Variants in MECR observed in about 807,000 individuals in gnomAD.
MECR encodes the protein mitochondrial trans-2-enoyl-CoA reductase, also known as enoyl-[acyl-carrier-protein] reductase, mitochondrial.
A neutral mutation model predicts 49.1 loss-of-function variants in MECR; 37 were observed. The ratio of observed to expected loss-of-function variants is 0.75; its 90% CI spans 0.58 to 0.99. The LOEUF (loss-of-function observed/expected upper bound fraction) is 0.99, where lower values mean the gene tolerates loss of function less well. MECR is among the 50% of genes least tolerant of loss of function. MECR has a pLI of 0.00. For missense variants in MECR, 470 were observed against 479.6 expected (o/e 0.98, Z 0.19); for synonymous variants, 198 against 191.1 (o/e 1.04, Z -0.30).
chr1:29,227,975 C>G (rs767753964), intron 1 of MECR, among the ~76,000 whole-genome samples: 2 of 152,168 alleles, frequency 1.3e-5, no homozygotes, highest in Non-Finnish European at 2.9e-5. Context: ...GCCTGGGCAG[C>G]AGAGTCACCT....
At chr1:29,207,185 G>A (rs1380460823) in intron 3 of MECR, among the ~76,000 whole-genome samples, 2 of 152,044 alleles carry the variant, frequency 1.3e-5, no homozygotes, top group African/African-American at 2.4e-5. Context: ...GCAATGGCGC[G>A]ATCTTGGCTC....
intron 9 of MECR, among the ~76,000 whole-genome samples, chr1:29,194,780 C>T (rs1248518907): frequency 6.6e-6 from 1 of 152,104 alleles, no homozygotes; most frequent in Non-Finnish European, 1.5e-5. Flanking sequence ...TTCATTCAGC[C>T]TTCAAATCTA....
chr1:29,198,576 G>A (rs1674571189), intron 7 of MECR, among the ~76,000 whole-genome samples: 1 of 152,212 alleles, frequency 6.6e-6, no homozygotes, highest in Non-Finnish European at 1.5e-5. Flanking sequence ...CTGCTGCCTA[G>A]ACTTTGGGAC....
At chr1:29,196,289 T>C (rs373711752) in intron 7 of MECR, 31 bp from the exon 8 acceptor site, 85 of 1,590,520 alleles carry the variant, frequency 5.3e-5, no homozygotes, top group Non-Finnish European at 6.7e-5. Flanking sequence ...AAAGAGTGGA[T>C]GCAAGGCAGA....
At chr1:29,178,039 A>G in the MECR span, among the ~76,000 whole-genome samples, 26 of 151,266 alleles carry the variant, frequency 1.7e-4, no homozygotes, top group African/African-American at 5.1e-4. Context: ...AGCTGGGATT[A>G]CAGGTGCCCA....
intron 9 of MECR, among the ~76,000 whole-genome samples, chr1:29,194,578 A>G (rs1268188453): frequency 3.3e-5 from 5 of 152,132 alleles, no homozygotes; most frequent in African/African-American, 1.2e-4. Flanking sequence ...TGGCACGCCA[A>G]GTGATGTGGA....
intron 9 of MECR, 139 bp from the exon 10 acceptor site, chr1:29,194,318 G>C: frequency 3.0e-6 from 3 of 984,002 alleles, no homozygotes; most frequent in Non-Finnish European, 4.4e-6. Flanking sequence ...CAAGGATAGG[G>C]TGGCTGTGGA....
Position 29,206,842 on chromosome 1 carries a change from G to A in MECR, c.470C>T (p.Pro157Leu), listed in dbSNP as rs770619410. The A allele has an allele frequency of 1.2e-6, 2 of 1,614,174 alleles. No homozygotes were observed. The highest frequency in any genetic ancestry group is 1.7e-6 in the Non-Finnish European group (2 of 1,180,030). Residue 157 changes from proline to leucine, a missense_variant, in exon 4 of 10, where the codon CCT (proline) becomes CTT (leucine). Transcript: ENST00000263702. ...EALIQVPSDI[P>L]LQSAATLGVN... ...ACCCAGGGTGGCAGCGCTCTGAAGA[G>A]GGATGTCACTCGGAACTTGGATCAG...
chr1:29,188,063 C>T (rs996571838), downstream of MECR, among the ~76,000 whole-genome samples: 20 of 144,460 alleles, frequency 1.4e-4, no homozygotes, highest in Non-Finnish European at 2.1e-4. Flanking sequence ...AAAAGACGCA[C>T]ACCACCATGC....
At chr1:29,225,208 A>G (rs1681753587) in intron 1 of MECR, among the ~76,000 whole-genome samples, 2 of 152,204 alleles carry the variant, frequency 1.3e-5, no homozygotes, top group Non-Finnish European at 2.9e-5. Flanking sequence ...TGGTTTCAGC[A>G]GACACCTTTC....
chr1:29,167,837 AT>A, the MECR span, among the ~76,000 whole-genome samples: 1 of 152,176 alleles, frequency 6.6e-6, no homozygotes, highest in Non-Finnish European at 1.5e-5. Context: ...TATTTCATCC[AT>A]TTGTATATCA....
At chr1:29,173,085 T>C in the MECR span, 1 of 151,146 alleles carries the variant, frequency 6.6e-6, no homozygotes, top group Non-Finnish European at 1.5e-5. Context: ...AATATCTAAA[T>C]GATCTACAAT....
At chr1:29,188,781 A>G (rs978684088), downstream of MECR, among the ~76,000 whole-genome samples, 50 of 151,992 alleles carry the variant, frequency 3.3e-4, no homozygotes, top group African/African-American at 1.2e-3. Flanking sequence ...CTGGGATTAC[A>G]GGCGCCCGCT....
chr1:29,189,269 A>G (rs1158311965), downstream of MECR, among the ~76,000 whole-genome samples: 3 of 143,846 alleles, frequency 2.1e-5, no homozygotes, highest in African/African-American at 8.8e-5. Flanking sequence ...ACGGGGTTTC[A>G]CCATGTTGGC....
At chr1:29,175,208 T>A in the MECR span, among the ~76,000 whole-genome samples, 1 of 148,844 alleles carries the variant, frequency 6.7e-6, no homozygotes, top group East Asian at 2.0e-4. Context: ...AGGTCAGGAG[T>A]TCAAAACCAG....
At chr1:29,177,467 G>A in the MECR span, among the ~76,000 whole-genome samples, 1 of 152,096 alleles carries the variant, frequency 6.6e-6, no homozygotes, top group African/African-American at 2.4e-5. Flanking sequence ...TTTTAGTAGA[G>A]ACAGGGGTTT....
the MECR span, chr1:29,171,310 G>C: frequency 6.6e-6 from 1 of 150,966 alleles, no homozygotes; most frequent in Non-Finnish European, 1.5e-5. Flanking sequence ...AACAAGCCCG[G>C]AAACCTGAAC....
the MECR span, chr1:29,173,451 T>C: frequency 1.6e-5 from 2 of 125,846 alleles, no homozygotes; most frequent in Non-Finnish European, 3.2e-5. Flanking sequence ...GCCTAAAAAG[T>C]TGTTTTTTTT....
In MECR at chr1:29,203,202, G is replaced by A. The variant is rs142970545; in HGVS notation, c.582C>T (p.Ser194=). ...TCTGGATGACTGCTTGCCCCACTCC[G>A]CTGTTGGATGCATTCTGGATGACAG... The part of the protein sequence containing the change: ...GDSVIQNASN[S]GVGQAVIQIA... The change falls in exon 5 of 10, where the codon AGC becomes AGT. Residue 194 remains serine, a synonymous_variant. Coordinates refer to ENST00000263702, the MANE Select transcript of MECR (RefSeq NM_016011.5). 1.8e-5 allele frequency: 28 copies of A among 1,582,540 alleles called. No homozygotes were observed. The highest frequency in any genetic ancestry group is 9.1e-5 in the East Asian group (4 of 44,094).
Sources: gnomAD v4.1 joint callset for allele counts (sites outside exome capture counted in the v4.1 genomes callset) on GRCh38, gnomAD v4.1.1 for gene constraint, MANE v1.5 for transcripts, NCBI Gene and HGNC (gene_info 2026-07-23, HGNC 2026-07-21) for gene names.